ZBTB8OS: variants seen among roughly 807,000 people sequenced by gnomAD.
The protein encoded by ZBTB8OS is tRNA-splicing ligase-activating factor archease.
A neutral mutation model predicts 29.3 loss-of-function variants in ZBTB8OS; 16 were observed. That is an observed-to-expected ratio of 0.55 (90% CI 0.37 to 0.83). The LOEUF (loss-of-function observed/expected upper bound fraction) is 0.83. Ranked by LOEUF, ZBTB8OS falls within the 40% of genes least tolerant of loss-of-function variation. ZBTB8OS has a pLI of 0.00. For missense variants in ZBTB8OS, 160 were observed against 196.9 expected, an observed-to-expected ratio of 0.81 and a Z score of 1.12; for synonymous variants, 70 against 64.6, an observed-to-expected ratio of 1.08 and a Z score of -0.40.
chr1:32,644,534 C>CT (rs57960226), intron 1 of ZBTB8OS, among the ~76,000 whole-genome samples: 10,258 of 126,986 alleles, frequency 0.081, 576 homozygotes, highest in East Asian at 0.15. Context: ...TTTCTTTTTC[C>CT]TTTTTTTTTT....
rs570164742 is a variant in ZBTB8OS, at chr1:32,643,592, T to G, written c.97+6841A>C. ...CTCACCACAACCCCTGCCTCCCGGG[T>G]TCAAGCTATTCTCCTGCCTCAGCCT... On this transcript the variant is annotated intron_variant, in intron 1 of 6. Coordinates refer to ENST00000468695, the MANE Select transcript of ZBTB8OS (RefSeq NM_178547.5). 1.4e-3 allele frequency among the ~76,000 whole-genome samples: 206 copies of G among 151,450 alleles called. 3 individuals are homozygous for G. Among genetic ancestry groups the G allele is most frequent in the East Asian group, 7.8e-4 (4 of 5,120 alleles).
chr1:32,646,201 C>T (rs1242661264), intron 1 of ZBTB8OS, among the ~76,000 whole-genome samples: 1 of 151,958 alleles, frequency 6.6e-6, no homozygotes, highest in Non-Finnish European at 1.5e-5. Flanking sequence ...CGCCTGTAAT[C>T]CCAGCTACTC....
intron 1 of ZBTB8OS, among the ~76,000 whole-genome samples, chr1:32,648,652 G>T (rs1374603751): frequency 6.6e-6 from 1 of 152,134 alleles, no homozygotes; most frequent in Non-Finnish European, 1.5e-5. Flanking sequence ...CAATATATAT[G>T]ACCTATTAAA....
At position 32,627,504 on chromosome 1, in the gene ZBTB8OS, A is replaced by G. The variant is rs986226906; in HGVS notation, c.417+4T>C. On this transcript the variant is annotated splice_donor_region_variant and intron_variant, in intron 6 of 6. Transcript: ENST00000468695. ...GTTCTTAATGGCTGGATTTTAAAAC[A>G]TACCTGAGGGTGCTTGGACAATGAA... 1 of 1,613,212 alleles carries G rather than the reference A, an allele frequency of 6.2e-7. No homozygotes were observed. Among genetic ancestry groups the G allele is most frequent in the Non-Finnish European group, 8.5e-7 (1 of 1,179,702 alleles).
At chr1:32,644,185 T>A (rs1352973952) in intron 1 of ZBTB8OS, among the ~76,000 whole-genome samples, 5 of 152,160 alleles carry the variant, frequency 3.3e-5, no homozygotes, top group Non-Finnish European at 7.4e-5. Flanking sequence ...AGGTGATAGA[T>A]CCGGGGCTTT....
At chr1:32,629,253 A>G (rs982252424) in intron 5 of ZBTB8OS, among the ~76,000 whole-genome samples, 1 of 143,458 alleles carries the variant, frequency 7.0e-6, no homozygotes, top group Non-Finnish European at 1.5e-5. Flanking sequence ...TCTACAAAAG[A>G]TTAAAAAAAA....
rs541220188 is a variant in ZBTB8OS at position 32,636,462 on chromosome 1, A to G, written c.98-1670T>C. ...TCCCAGCACTTCGGGAGGCCGAGGC[A>G]GGTGGATCACAAGGTCAGGAGATAG... On this transcript the variant is annotated intron_variant, in intron 1 of 6. Transcript: ENST00000468695. Among the ~76,000 whole-genome samples the G allele has an allele frequency of 2.1e-3, 320 of 151,932 alleles. 3 individuals are homozygous for G. The highest frequency in any genetic ancestry group is 7.5e-3 in the African/African-American group (309 of 41,244).
At chr1:32,648,636 T>C (rs1647032959) in intron 1 of ZBTB8OS, among the ~76,000 whole-genome samples, 1 of 152,208 alleles carries the variant, frequency 6.6e-6, no homozygotes, top group African/African-American at 2.4e-5. Context: ...TTTCTGAATT[T>C]CAAATCAATA....
chr1:32,623,023 T>C (rs1210870077), intron 6 of ZBTB8OS, among the ~76,000 whole-genome samples: 1 of 152,216 alleles, frequency 6.6e-6, no homozygotes, highest in African/African-American at 2.4e-5. Context: ...TGCCCAACCC[T>C]GCCCCAGTTT....
At chr1:32,644,617 T>C (rs140860882) in intron 1 of ZBTB8OS, among the ~76,000 whole-genome samples, 3 of 150,034 alleles carry the variant, frequency 2.0e-5, no homozygotes, top group African/African-American at 7.4e-5. Context: ...ACTGCAACCT[T>C]GAACGCCTGA....
upstream of ZBTB8OS, chr1:32,650,620 G>A (rs1647399700): frequency 6.2e-7 from 1 of 1,608,138 alleles, no homozygotes; most frequent in Non-Finnish European, 8.5e-7. Flanking sequence ...GCCCCTTGGC[G>A]CACACCCTTA....
chr1:32,637,124 C>T (rs1646029587), intron 1 of ZBTB8OS, among the ~76,000 whole-genome samples: 4 of 152,044 alleles, frequency 2.6e-5, no homozygotes, highest in Admixed American at 2.0e-4. Context: ...TCACTCCTCT[C>T]CCTTTAAAAT....
chr1:32,644,211 G>A (rs1021144211), intron 1 of ZBTB8OS, among the ~76,000 whole-genome samples: 18 of 152,106 alleles, frequency 1.2e-4, no homozygotes, highest in African/African-American at 2.4e-4. Context: ...TTTATCAATC[G>A]GACGAATTCC....
At chr1:32,630,530 G>A (rs1645465074) in intron 5 of ZBTB8OS, among the ~76,000 whole-genome samples, 3 of 151,880 alleles carry the variant, frequency 2.0e-5, no homozygotes, top group Admixed American at 2.0e-4. Flanking sequence ...TCCAGCCTGG[G>A]GGACAGGGCA....
At chr1:32,627,069 C>T (rs1313640538) in intron 6 of ZBTB8OS, among the ~76,000 whole-genome samples, 1 of 152,122 alleles carries the variant, frequency 6.6e-6, no homozygotes, top group Non-Finnish European at 1.5e-5. Context: ...AATCTTAAAA[C>T]ATTTATTATC....
intron 1 of ZBTB8OS, among the ~76,000 whole-genome samples, chr1:32,645,637 A>G (rs1447464080): frequency 2.0e-5 from 3 of 152,134 alleles, no homozygotes; most frequent in African/African-American, 7.2e-5. Flanking sequence ...GCTCCAAAAG[A>G]TAGAGCCCAG....
At chr1:32,642,152 C>T (rs1646459740) in intron 1 of ZBTB8OS, among the ~76,000 whole-genome samples, 1 of 152,004 alleles carries the variant, frequency 6.6e-6, no homozygotes, top group South Asian at 2.1e-4. Flanking sequence ...TTACAAGATA[C>T]AACACAAGGA....
chr1:32,647,258 C>T (rs1329491049), intron 1 of ZBTB8OS, among the ~76,000 whole-genome samples: 12 of 44,638 alleles, frequency 2.7e-4, no homozygotes, highest in Non-Finnish European at 2.1e-4. Context: ...ATCCCAGCTA[C>T]TCTGTCTCAA....
chr1:32,632,571 C>A (rs77660764), intron 4 of ZBTB8OS, among the ~76,000 whole-genome samples: 5,858 of 152,112 alleles, frequency 0.039, 230 homozygotes, highest in East Asian at 0.11. Flanking sequence ...TGTGCCACTG[C>A]GCCCAGATAA....
Sources: gnomAD v4.1 joint callset for allele counts (sites outside exome capture counted in the v4.1 genomes callset) on GRCh38, gnomAD v4.1.1 for gene constraint, MANE v1.5 for transcripts, NCBI Gene and HGNC (gene_info 2026-07-23, HGNC 2026-07-21) for gene names.